The following SEZ6L variants were observed in gnomAD, a reference collection of about 807,000 sequenced individuals.
SEZ6L encodes seizure related 6 homolog like.
A neutral mutation model predicts 106.2 loss-of-function variants in SEZ6L; 37 were observed. The observed-to-expected ratio is 0.35, with a 90% CI of 0.27 to 0.46. SEZ6L has a LOEUF of 0.46. Among genes scored for constraint, SEZ6L ranks in the 20% least tolerant of loss-of-function variants. The pLI is 1.00. For missense variants in SEZ6L, 1,172 were observed against 1,332.8 expected, an observed-to-expected ratio of 0.88 and a Z score of 1.88; for synonymous variants, 541 against 570.4, an observed-to-expected ratio of 0.95 and a Z score of 0.73.
intron 1 of SEZ6L, among the ~76,000 whole-genome samples, chr22:26,258,322 C>T (rs559861897): frequency 6.6e-6 from 1 of 152,334 alleles, no homozygotes; most frequent in African/African-American, 2.4e-5. Context: ...ATGTGTCAGA[C>T]ATGTGAATGG....
intron 5 of SEZ6L, among the ~76,000 whole-genome samples, chr22:26,302,923 C>T (rs1052946704): frequency 1.3e-5 from 2 of 152,196 alleles, no homozygotes; most frequent in African/African-American, 4.8e-5. Context: ...TCCTCCATTT[C>T]TCAGCTCCTG....
chr22:26,380,018 C>CAT (rs1400020650), intron 16 of SEZ6L, among the ~76,000 whole-genome samples: 2 of 152,196 alleles, frequency 1.3e-5, no homozygotes, highest in East Asian at 3.8e-4. Flanking sequence ...CCTACCAGGG[C>CAT]ATGCCCTGTT....
At chr22:26,288,314 C>T (rs574187752) in intron 1 of SEZ6L, among the ~76,000 whole-genome samples, 3 of 152,312 alleles carry the variant, frequency 2.0e-5, no homozygotes, top group Admixed American at 6.5e-5. Flanking sequence ...ATAAAAGTCA[C>T]CAGAGGAGTT....
At chr22:26,278,740 T>G (rs1224105578) in intron 1 of SEZ6L, among the ~76,000 whole-genome samples, 3 of 150,110 alleles carry the variant, frequency 2.0e-5, no homozygotes, top group African/African-American at 7.4e-5. Context: ...GGAATGAATT[T>G]TTTAAAAAAG....
intron 1 of SEZ6L, among the ~76,000 whole-genome samples, chr22:26,268,413 G>A (rs2080256973): frequency 6.6e-6 from 1 of 152,172 alleles, no homozygotes; most frequent in Admixed American, 6.5e-5. Flanking sequence ...GGGGCAACAT[G>A]ACCAAGGTCA....
At chr22:26,351,690 G>T (rs969628494) in intron 12 of SEZ6L, among the ~76,000 whole-genome samples, 1 of 152,102 alleles carries the variant, frequency 6.6e-6, no homozygotes, top group African/African-American at 2.4e-5. Context: ...GGGATTACAG[G>T]CGCGTGCCAC....
chr22:26,247,002 G>C (rs967389138), intron 1 of SEZ6L, among the ~76,000 whole-genome samples: 9 of 152,156 alleles, frequency 5.9e-5, no homozygotes, highest in African/African-American at 2.2e-4. Context: ...ACTCTAGAAG[G>C]CTTTGCAAAT....
intron 1 of SEZ6L, among the ~76,000 whole-genome samples, chr22:26,176,286 G>A (rs1938999177): frequency 1.3e-5 from 2 of 152,234 alleles, no homozygotes. Flanking sequence ...AAATACTGGG[G>A]CATGAAGATG....
intron 2 of SEZ6L, 36 bp downstream of exon 2, chr22:26,293,182 C>T (rs1288636237): frequency 5.4e-6 from 8 of 1,473,880 alleles, no homozygotes; most frequent in Non-Finnish European, 7.1e-6. Flanking sequence ...CATCCTGAAA[C>T]AGCCATGAGG....
At chr22:26,252,033 G>A (rs1189623871) in intron 1 of SEZ6L, among the ~76,000 whole-genome samples, 5 of 152,086 alleles carry the variant, frequency 3.3e-5, no homozygotes, top group East Asian at 1.9e-4. Flanking sequence ...GAGCAGCGGC[G>A]GCAGCAGCAG....
intron 11 of SEZ6L, among the ~76,000 whole-genome samples, chr22:26,348,802 A>AGGGGAGGGGGGGGAAGGGGG (rs2083167830): frequency 3.0e-4 from 1 of 3,384 alleles, no homozygotes; most frequent in Non-Finnish European, 4.5e-4. Context: ...AGGGAAGGGG[A>AGGGGAGGGGGGGGAAGGGGG]GGGAAGGGGA....
intron 1 of SEZ6L, among the ~76,000 whole-genome samples, chr22:26,255,602 C>T (rs1175227696): frequency 6.6e-6 from 1 of 152,206 alleles, no homozygotes; most frequent in African/African-American, 2.4e-5. Flanking sequence ...GGGAATTAGG[C>T]CTGTTCCTGT....
intron 1 of SEZ6L, among the ~76,000 whole-genome samples, chr22:26,282,665 C>T (rs186472911): frequency 3.0e-4 from 45 of 152,210 alleles, no homozygotes; most frequent in African/African-American, 9.9e-4. Context: ...AGAGAAAGCT[C>T]GAGAGTACCT....
chr22:26,307,101 C>T (rs1030721470), intron 6 of SEZ6L, among the ~76,000 whole-genome samples: 1 of 152,178 alleles, frequency 6.6e-6, no homozygotes, highest in Non-Finnish European at 1.5e-5. Flanking sequence ...AACCTCTGGG[C>T]AATGTGTTGA....
At chr22:26,184,148 T>C (rs1026748010) in intron 1 of SEZ6L, among the ~76,000 whole-genome samples, 2 of 152,208 alleles carry the variant, frequency 1.3e-5, no homozygotes, top group Non-Finnish European at 2.9e-5. Flanking sequence ...ATATAGACTT[T>C]TGATTCTTAC....
intron 1 of SEZ6L, among the ~76,000 whole-genome samples, chr22:26,260,231 C>T (rs2079955547): frequency 6.6e-6 from 1 of 152,030 alleles, no homozygotes; most frequent in Middle Eastern, 3.2e-3. Context: ...TTTTGGTGCA[C>T]CCATCACCTG....
intron 5 of SEZ6L, among the ~76,000 whole-genome samples, chr22:26,302,480 C>T (rs1036826835): frequency 6.6e-6 from 1 of 152,142 alleles, no homozygotes; most frequent in East Asian, 1.9e-4. Context: ...ATGTGCCAGG[C>T]TATGAGCCAT....
intron 9 of SEZ6L, among the ~76,000 whole-genome samples, chr22:26,318,082 A>ATTTTATTTTC (rs1462672560): frequency 8.6e-5 from 13 of 150,968 alleles, no homozygotes; most frequent in Non-Finnish European, 1.3e-4. Flanking sequence ...ATTTTATTTT[A>ATTTTATTTTC]TTTTATTTTT....
chr22:26,278,648 A>C (rs1238929854), intron 1 of SEZ6L, among the ~76,000 whole-genome samples: 1 of 152,174 alleles, frequency 6.6e-6, no homozygotes, highest in Non-Finnish European at 1.5e-5. Flanking sequence ...TTTAAGAGAC[A>C]GTTTGCTCTC....
Sources: allele counts gnomAD v4.1 joint callset (sites outside exome capture counted in the v4.1 genomes callset), GRCh38; gene constraint gnomAD v4.1.1; transcripts MANE v1.5; gene names NCBI Gene and HGNC (gene_info 2026-07-23, HGNC 2026-07-21).